KCNC4: variants seen among roughly 807,000 people sequenced by gnomAD.
KCNC4 encodes the protein potassium voltage-gated channel subfamily C member 4, also known as voltage-gated potassium channel KCNC4.
In KCNC4, 23 loss-of-function variants were observed where a neutral mutation model predicts 42.8. That is an observed-to-expected ratio of 0.54 (90% CI 0.39 to 0.76). KCNC4 has a LOEUF of 0.76. KCNC4 is among the 30% of genes least tolerant of loss of function. The pLI, the probability that KCNC4 is intolerant of heterozygous loss-of-function variation, is 0.00. For missense variants in KCNC4, 751 were observed against 898.2 expected (o/e 0.84, Z 2.10); for synonymous variants, 422 against 393.5 (o/e 1.07, Z -0.86).
chr1:110,274,123 A>T (rs1478829987), intron 1 of KCNC4, among the ~76,000 whole-genome samples: 1 of 152,248 alleles, frequency 6.6e-6, no homozygotes, highest in Non-Finnish European at 1.5e-5. Context: ...CTTAGATTTG[A>T]TAAATAAATT....
chr1:110,281,824 A>C (rs577399728), intron 1 of KCNC4, among the ~76,000 whole-genome samples: 1 of 152,168 alleles, frequency 6.6e-6, no homozygotes, highest in Non-Finnish European at 1.5e-5. Context: ...ATGACTGATC[A>C]CTCAGAACCC....
intron 1 of KCNC4, among the ~76,000 whole-genome samples, chr1:110,216,805 C>G (rs951441229): frequency 4.6e-5 from 7 of 152,180 alleles, no homozygotes; most frequent in African/African-American, 1.7e-4. Context: ...TTTCTTCAGG[C>G]TAAGGGGTGG....
chr1:110,229,877 G>A (rs978624455), intron 3 of KCNC4, among the ~76,000 whole-genome samples: 3 of 151,966 alleles, frequency 2.0e-5, no homozygotes, highest in Admixed American at 6.5e-5. Flanking sequence ...CAGCAGAGCC[G>A]TGCGCCTGGC....
chr1:110,234,935 T>C (rs1658870584), downstream of KCNC4: 1 of 152,198 alleles, frequency 6.6e-6, no homozygotes, highest in Non-Finnish European at 1.5e-5. Context: ...TAGGGAATAA[T>C]GATGGCCCCT....
At chr1:110,279,064 T>C (rs1342759247) in intron 1 of KCNC4, among the ~76,000 whole-genome samples, 1 of 152,166 alleles carries the variant, frequency 6.6e-6, no homozygotes, top group Non-Finnish European at 1.5e-5. Context: ...TTCATAGTCC[T>C]AAAGAGATTC....
At chr1:110,226,909 C>A (rs1310825060) in intron 3 of KCNC4, among the ~76,000 whole-genome samples, 4 of 152,168 alleles carry the variant, frequency 2.6e-5, no homozygotes, top group Non-Finnish European at 4.4e-5. Flanking sequence ...GGCTGTGGAG[C>A]TAGGGATTCC....
chr1:110,279,864 T>G (rs1659791146), intron 1 of KCNC4, among the ~76,000 whole-genome samples: 1 of 145,382 alleles, frequency 6.9e-6, no homozygotes, highest in African/African-American at 2.6e-5. Context: ...AGTAGCACGA[T>G]CTCAGCTCGC....
exon 3 of KCNC4, chr1:110,283,023 G>C (rs1421763445): frequency 6.6e-6 from 1 of 152,312 alleles, no homozygotes; most frequent in African/African-American, 2.4e-5. Flanking sequence ...AAGAAGCATG[G>C]TGCTGGCATC....
intron 1 of KCNC4, among the ~76,000 whole-genome samples, chr1:110,260,117 T>C (rs1306026338): frequency 2.0e-5 from 3 of 152,208 alleles, no homozygotes; most frequent in African/African-American, 7.2e-5. Flanking sequence ...TTTTTACTCC[T>C]CTCAAGAGAC....
chr1:110,232,464 C>G, intron 3 of KCNC4: 1 of 1,454,954 alleles, frequency 6.9e-7, no homozygotes, highest in Non-Finnish European at 9.0e-7. Flanking sequence ...GGCCTGTGAG[C>G]CACAGGCCAC....
At chr1:110,261,215 T>C (rs1659419534) in intron 1 of KCNC4, among the ~76,000 whole-genome samples, 1 of 152,230 alleles carries the variant, frequency 6.6e-6, no homozygotes, top group East Asian at 1.9e-4. Context: ...TTAGTGTTCT[T>C]AGTAATTGCA....
chr1:110,213,077 A>G (rs1424115993), intron 1 of KCNC4, among the ~76,000 whole-genome samples: 1 of 147,552 alleles, frequency 6.8e-6, no homozygotes, highest in South Asian at 2.1e-4. Context: ...GGCAAGACCT[A>G]CCGCCTCCTC....
chr1:110,263,247 T>A (rs1357710158), intron 1 of KCNC4, among the ~76,000 whole-genome samples: 1 of 152,130 alleles, frequency 6.6e-6, no homozygotes, highest in Non-Finnish European at 1.5e-5. Flanking sequence ...GGGTAAGAGA[T>A]ACGGTAATAA....
chr1:110,236,480 G>A (rs1297391688), downstream of KCNC4: 2 of 152,132 alleles, frequency 1.3e-5, no homozygotes, highest in Non-Finnish European at 2.9e-5. Context: ...TCATAGCAAA[G>A]GTATTGTTTT....
chr1:110,248,126 T>C (rs1659187128), exon 4 of KCNC4: 1 of 152,258 alleles, frequency 6.6e-6, no homozygotes, highest in South Asian at 2.1e-4. Flanking sequence ...TAAGGCTTTG[T>C]CTGTCATGAA....
downstream of KCNC4, among the ~76,000 whole-genome samples, chr1:110,250,581 C>T (rs2101066389): frequency 6.6e-6 from 1 of 152,342 alleles, no homozygotes; most frequent in East Asian, 1.9e-4. Flanking sequence ...GGGGCACTGT[C>T]AGTGTGGATA....
downstream of KCNC4, among the ~76,000 whole-genome samples, chr1:110,252,952 C>T (rs1659270615): frequency 6.6e-6 from 1 of 152,196 alleles, no homozygotes; most frequent in Non-Finnish European, 1.5e-5. Flanking sequence ...AGGCAAGCAA[C>T]TCCCCAGCGT....
At chr1:110,229,592 G>A (rs182498605) in intron 3 of KCNC4, among the ~76,000 whole-genome samples, 102 of 152,230 alleles carry the variant, frequency 6.7e-4, no homozygotes, top group African/African-American at 2.2e-3. Context: ...CAGCCTCTGC[G>A]CTCTGTATTC....
At chr1:110,224,211 C>T in intron 2 of KCNC4, 1 of 331,228 alleles carries the variant, frequency 3.0e-6, no homozygotes, top group Non-Finnish European at 5.5e-6. Context: ...GCTGTGTGCC[C>T]TGAGGCCAGT....
Sources: allele counts gnomAD v4.1 joint callset (sites outside exome capture counted in the v4.1 genomes callset), GRCh38; gene constraint gnomAD v4.1.1; transcripts MANE v1.5; gene names NCBI Gene and HGNC (gene_info 2026-07-23, HGNC 2026-07-21).